CCDC57: variants seen among roughly 807,000 people sequenced by gnomAD.
CCDC57 encodes coiled-coil domain containing 57.
In CCDC57, 118 loss-of-function variants were observed where a neutral mutation model predicts 118.9. The ratio of observed to expected loss-of-function variants is 0.99; its 90% CI spans 0.86 to 1.16. CCDC57 has a LOEUF of 1.16. Among genes scored for constraint, CCDC57 ranks in the 50% most tolerant of loss-of-function variants. The probability of loss-of-function intolerance (pLI) is 0.00; values close to 1 mark genes in which losing one functional copy is unlikely to be tolerated. For synonymous variants in CCDC57, 527 were observed against 532.9 expected (o/e 0.99, Z 0.15); for missense variants, 1,300 against 1,320.7 (o/e 0.98, Z 0.24).
intron 16 of CCDC57, among the ~76,000 whole-genome samples, chr17:82,144,562 G>C (rs1398933357): frequency 1.4e-5 from 2 of 139,000 alleles, no homozygotes; most frequent in Non-Finnish European, 3.1e-5. Flanking sequence ...TGCTCTCCAG[G>C]CTCCTGGAAG....
At chr17:82,191,759 C>T (rs1222656227) in intron 7 of CCDC57, among the ~76,000 whole-genome samples, 1 of 152,078 alleles carries the variant, frequency 6.6e-6, no homozygotes, top group African/African-American at 2.4e-5. Context: ...CTCCACATCC[C>T]AGATTCAAGT....
At chr17:82,138,592 T>C (rs1329347924) in intron 16 of CCDC57, among the ~76,000 whole-genome samples, 3 of 150,196 alleles carry the variant, frequency 2.0e-5, no homozygotes, top group African/African-American at 7.5e-5. Flanking sequence ...ATTAGGTTTC[T>C]TTGATGTGTT....
intron 14 of CCDC57, among the ~76,000 whole-genome samples, chr17:82,158,576 T>A (rs183508468): frequency 3.3e-5 from 5 of 150,998 alleles, no homozygotes; most frequent in Admixed American, 2.7e-4. Context: ...TGGTCCCAGC[T>A]ACTTGGGAGG....
intron 7 of CCDC57, 86 bp from the exon 7 acceptor site, chr17:82,188,505 T>C: frequency 7.5e-7 from 1 of 1,341,618 alleles, no homozygotes; most frequent in Non-Finnish European, 1.0e-6. Context: ...CATTGCCCTG[T>C]CTCGTGCACA....
chr17:82,126,294 AAAAAAC>A (rs2037425885), intron 19 of CCDC57: 1 of 748,132 alleles, frequency 1.3e-6, no homozygotes, highest in Non-Finnish European at 1.6e-6. Context: ...GGAAAAAAAA[AAAAAAC>A]AGACAAGATA....
intron 8 of CCDC57, 83 bp from the exon 8 acceptor site, chr17:82,184,015 A>T: frequency 5.7e-6 from 3 of 525,130 alleles, no homozygotes; most frequent in Non-Finnish European, 6.1e-6. Flanking sequence ...GCAAATACAC[A>T]TGCGCGCGCG....
intron 11 of CCDC57, among the ~76,000 whole-genome samples, chr17:82,178,039 A>G (rs1032888483): frequency 1.3e-5 from 2 of 152,122 alleles, no homozygotes; most frequent in African/African-American, 4.8e-5. Flanking sequence ...CATGGTGCCA[A>G]CCTCCAAGAT....
At position 82,212,775 on chromosome 17, in the gene CCDC57, C is replaced by T. The variant is rs9303022; in HGVS notation, c.-211+10G>A. 6.6e-6 allele frequency: 1 copy of T among 152,172 alleles called. No individual in the cohort carries two copies. The highest frequency in any genetic ancestry group is 6.5e-5 in the Admixed American group (1 of 15,300). 9.4% of individuals were successfully genotyped at this position (152,172 alleles called of 1,614,324 possible). The stretch of plus-strand genomic sequence containing the variant: ...TCCCACGCCTCCCACGCCGCCCGCC[C>T]GCACCTCACCCTAACGCCCGCCAGC... On this transcript the variant is annotated intron_variant, in intron 1 of 19. Transcript: ENST00000665763. This position sits in a 1 kb window ranked among gnomAD's most constrained non-coding sequence, Gnocchi z 4.1.
At chr17:82,198,271 G>C (rs758667879) in intron 4 of CCDC57, 43 bp downstream of exon 3, 1 of 1,191,790 alleles carries the variant, frequency 8.4e-7, no homozygotes, top group South Asian at 1.3e-5. Context: ...ACAGTGGGCA[G>C]GCAGGGAAAG....
chr17:82,178,117 C>T (rs2045760172), intron 11 of CCDC57, among the ~76,000 whole-genome samples: 1 of 152,222 alleles, frequency 6.6e-6, no homozygotes, highest in African/African-American at 2.4e-5. Flanking sequence ...TAACTATCGG[C>T]CACTAACGTC....
intron 9 of CCDC57, among the ~76,000 whole-genome samples, chr17:82,181,303 C>G (rs113377872): frequency 0.093 from 14,156 of 152,328 alleles, 948 homozygotes; most frequent in Non-Finnish European, 0.13. Context: ...CTCGTCAGGG[C>G]GGCCGGCGGA....
intron 9 of CCDC57, among the ~76,000 whole-genome samples, chr17:82,179,828 G>C (rs563484661): frequency 2.2e-4 from 33 of 152,352 alleles, no homozygotes; most frequent in Non-Finnish European, 4.0e-4. Context: ...CACGCACACA[G>C]TAAGGGGAAA....
At position 82,102,456 on chromosome 17, in the gene CCDC57, C is replaced by T. The variant is rs1236020210; in HGVS notation, c.2900-590G>A. On this transcript the variant is annotated intron_variant, in intron 19 of 19. Coordinates refer to ENST00000665763, the Ensembl canonical transcript of CCDC57. ...ATGCCAGATAGCCCTTCCTAAACATCGGCTAAAACCATCTTCGCAGAGGGG... is the reference window on the plus strand; with the variant it reads ...ATGCCAGATAGCCCTTCCTAAACATTGGCTAAAACCATCTTCGCAGAGGGG... 4.6e-5 allele frequency among the ~76,000 whole-genome samples: 7 copies of T among 152,264 alleles called. No individual in the cohort carries two copies. The East Asian group carries it at 7.7e-4, about 17-fold the overall frequency.
chr17:82,149,864 G>A (rs899555661), intron 16 of CCDC57, among the ~76,000 whole-genome samples: 15 of 150,002 alleles, frequency 1.0e-4, no homozygotes, highest in Admixed American at 9.9e-4. Context: ...CCCGGAACCA[G>A]GAGCACACCC....
At chr17:82,177,067 G>GAAACCCCATCTCTACTAAAA (rs1278180666) in intron 11 of CCDC57, among the ~76,000 whole-genome samples, 1 of 152,006 alleles carries the variant, frequency 6.6e-6, no homozygotes, top group Non-Finnish European at 1.5e-5. Flanking sequence ...CCAACATGGA[G>GAAACCCCATCTCTACTAAAA]AAACCCCATC....
chr17:82,158,140 G>A (rs907287228), intron 14 of CCDC57, among the ~76,000 whole-genome samples, 192 bp from the exon 14 acceptor site: 2 of 152,152 alleles, frequency 1.3e-5, no homozygotes, highest in African/African-American at 4.8e-5. Flanking sequence ...CTCCTGCCCC[G>A]CCCAGCTGGC....
chr17:82,136,008 T>C (rs150182062), intron 16 of CCDC57, among the ~76,000 whole-genome samples: 41 of 152,244 alleles, frequency 2.7e-4, no homozygotes, highest in Non-Finnish European at 3.5e-4. Flanking sequence ...CTGGTGCAGA[T>C]GTGGAGAAAT....
intron 1 of CCDC57, among the ~76,000 whole-genome samples, chr17:82,211,294 C>T (rs1336622095): frequency 6.6e-6 from 1 of 152,020 alleles, no homozygotes; most frequent in African/African-American, 2.4e-5. Flanking sequence ...GAAATGCCCC[C>T]GAACTGGGGG....
At chr17:82,171,927 T>TCA in intron 12 of CCDC57, 74 bp from the exon 12 acceptor site, 1 of 1,531,310 alleles carries the variant, frequency 6.5e-7, no homozygotes, top group Non-Finnish European at 8.9e-7. Flanking sequence ...GAGCACCAGC[T>TCA]CAGGGAGCCG....
Sources: allele counts gnomAD v4.1 joint callset (sites outside exome capture counted in the v4.1 genomes callset), GRCh38; gene constraint gnomAD v4.1.1; non-coding constraint Gnocchi (gnomAD v3.1); transcripts MANE v1.5; gene names NCBI Gene and HGNC (gene_info 2026-07-23, HGNC 2026-07-21).